NBN: variants seen among roughly 807,000 people sequenced by gnomAD.
NBN encodes Nijmegen breakage syndrome 1 (nibrin).
NBN carries 88 observed loss-of-function variants against 90.8 expected under a neutral mutation model. The observed-to-expected ratio is 0.97, with a 90% CI of 0.82 to 1.16. The LOEUF (loss-of-function observed/expected upper bound fraction) is 1.16, where lower values mean the gene tolerates loss of function less well. NBN is among the 50% of genes most tolerant of loss of function. The pLI, the probability that NBN is intolerant of heterozygous loss-of-function variation, is 0.00. For synonymous variants in NBN, 328 were observed against 295.1 expected, an observed-to-expected ratio of 1.11 and a Z score of -1.14; for missense variants, 894 against 869.6, an observed-to-expected ratio of 1.03 and a Z score of -0.35.
intron 5 of NBN, among the ~76,000 whole-genome samples, chr8:89,972,157 G>T (rs552830981): frequency 1.3e-5 from 2 of 152,188 alleles, no homozygotes; most frequent in African/African-American, 4.8e-5. Flanking sequence ...TAAAAACACT[G>T]CAGTCATTAA....
chr8:89,979,942 C>T (rs767935192), intron 4 of NBN, among the ~76,000 whole-genome samples: 2 of 152,200 alleles, frequency 1.3e-5, no homozygotes, highest in African/African-American at 2.4e-5. Flanking sequence ...CTAGGGCCCA[C>T]ACTTAAATAT....
intron 5 of NBN, among the ~76,000 whole-genome samples, chr8:89,977,195 T>G (rs190550889): frequency 1.2e-4 from 19 of 152,218 alleles, no homozygotes; most frequent in Middle Eastern, 3.4e-3. Context: ...GCATTAGGTA[T>G]TTGTCCTAAT....
chr8:89,983,706 G>C (rs1235440710), intron 1 of NBN, among the ~76,000 whole-genome samples: 3 of 152,144 alleles, frequency 2.0e-5, no homozygotes, highest in East Asian at 3.9e-4. Flanking sequence ...ATATATATTG[G>C]AGACATGCGG....
chr8:89,954,704 T>A (rs1307606106), intron 10 of NBN, among the ~76,000 whole-genome samples: 1 of 151,704 alleles, frequency 6.6e-6, no homozygotes, highest in Non-Finnish European at 1.5e-5. Context: ...GAAGGTAGAG[T>A]ATAAAGAGCA....
At chr8:89,936,094 T>TTTC in intron 15 of NBN, 1 of 391,032 alleles carries the variant, frequency 2.6e-6, no homozygotes, top group Non-Finnish European at 4.9e-6. Context: ...ACACTTTTTT[T>TTTC]TTTTTTTTTT....
chr8:89,962,191 T>C (rs1035640527), intron 8 of NBN, among the ~76,000 whole-genome samples: 1 of 152,178 alleles, frequency 6.6e-6, no homozygotes, highest in African/African-American at 2.4e-5. Context: ...ATGTCTAGGA[T>C]GCATCCCAGA....
intron 10 of NBN, among the ~76,000 whole-genome samples, chr8:89,954,443 G>T (rs181929417): frequency 6.6e-6 from 1 of 151,816 alleles, no homozygotes; most frequent in East Asian, 1.9e-4. Context: ...GAAATGGAGG[G>T]ATTGACAGAC....
rs1286274126 is a variant in NBN at position 89,964,307 on chromosome 8, G to C, written c.994+103C>G. The C allele has an allele frequency of 2.3e-6, 3 of 1,281,748 alleles. No individual in the cohort carries two copies. The South Asian group carries it at 3.7e-5, about 16-fold the overall frequency. 79.4% of individuals were successfully genotyped at this position (1,281,748 alleles called of 1,614,324 possible). On this transcript the variant is annotated intron_variant, in intron 8 of 15. Coordinates refer to ENST00000265433, the MANE Select transcript of NBN (RefSeq NM_002485.5). ...ATAAATGGATGAATTTTAAAACATG[G>C]TGAATATGGTCACCCCTAGCAAGTA... is the stretch of plus-strand genomic sequence containing the variant.
chr8:89,959,005 A>G, intron 8 of NBN, 151 bp from the exon 9 acceptor site: 1 of 1,015,948 alleles, frequency 9.8e-7, no homozygotes, highest in Admixed American at 2.0e-5. Flanking sequence ...ACCAACAAAC[A>G]CAAAACAGTC....
At chr8:89,950,092 A>T (rs1446336968) in intron 11 of NBN, among the ~76,000 whole-genome samples, 1 of 152,216 alleles carries the variant, frequency 6.6e-6, no homozygotes, top group Non-Finnish European at 1.5e-5. Context: ...TGTCTCAAAC[A>T]GTTTTTAAAA....
intron 9 of NBN, among the ~76,000 whole-genome samples, chr8:89,956,036 T>G (rs1023683132): frequency 6.6e-6 from 1 of 151,812 alleles, no homozygotes; most frequent in African/African-American, 2.4e-5. Context: ...AATGAACTGA[T>G]ATCATTATTT....
chr8:89,953,587 C>A lies in NBN; in HGVS notation c.1502G>T (p.Trp501Leu). 6.2e-7 allele frequency: 1 copy of A among 1,613,588 alleles called. No individual in the cohort carries two copies. Among genetic ancestry groups the A allele is most frequent in the Non-Finnish European group, 8.5e-7 (1 of 1,179,736 alleles). ...EQTQPATPSL[W>L]KNKEQHLSEN... The stretch of plus-strand genomic sequence containing the variant: ...AGATAGATGCTGCTCCTTATTTTTC[C>A]ACAATGAGGGTGTAGCAGGTTGTGT... The change falls in exon 11 of 16, where the codon TGG (tryptophan) becomes TTG (leucine). Residue 501 changes from tryptophan to leucine, a missense_variant. Coordinates refer to ENST00000265433, the MANE Select transcript of NBN (RefSeq NM_002485.5).
chr8:89,959,570 C>G (rs13312900), intron 8 of NBN, among the ~76,000 whole-genome samples: 1 of 151,666 alleles, frequency 6.6e-6, no homozygotes, highest in Admixed American at 6.6e-5. Context: ...CTGGGCAACA[C>G]TGGGAGACCC....
intron 11 of NBN, 149 bp from the exon 12 acceptor site, chr8:89,948,041 G>A (rs1391251559): frequency 5.9e-6 from 3 of 505,458 alleles, no homozygotes; most frequent in African/African-American, 1.9e-5. Flanking sequence ...CCAGGCATTT[G>A]GCTTTCAACT....
Position 89,984,605 on chromosome 8 carries a change from C to G in NBN, c.-44G>C. On this transcript the variant is annotated 5_prime_UTR_variant, in exon 1 of 16. Transcript: ENST00000265433. The stretch of plus-strand genomic sequence containing the variant: ...CTGGGGCCGACGTGCAACCGCGTAA[C>G]CGGGGCTGCTAGACGAGCGCGGATA... The G allele has an allele frequency of 6.2e-7, 1 of 1,609,882 alleles. No homozygotes were observed. Among genetic ancestry groups the G allele is most frequent in the South Asian group, 1.1e-5 (1 of 90,592 alleles).
rs149519277 is a variant in NBN, at chr8:89,961,377, C to T, written c.995-2523G>A. ...CAAATTAGTAAGAGCCTACAATCTA[C>T]TCAGTGGCTGAAAGAGGTGTGGAAA... On this transcript the variant is annotated intron_variant, in intron 8 of 15. Coordinates refer to ENST00000265433, the MANE Select transcript of NBN (RefSeq NM_002485.5). 4.5e-3 allele frequency among the ~76,000 whole-genome samples: 693 copies of T among 152,310 alleles called. 6 individuals carry two copies. The highest frequency in any genetic ancestry group is 0.015 in the African/African-American group (637 of 41,566).
At chr8:89,951,311 CAAAAAA>C (rs71268296) in intron 11 of NBN, among the ~76,000 whole-genome samples, 1 of 68,260 alleles carries the variant, frequency 1.5e-5, no homozygotes, top group Non-Finnish European at 2.8e-5. Context: ...GACTCTGTCT[CAAAAAA>C]AAAAAAAAAA....
rs543890002 is a variant in NBN at position 89,984,598 on chromosome 8, C to T, written c.-37G>A. 26 of 1,611,096 alleles carry T rather than the reference C, an allele frequency of 1.6e-5. No homozygotes were observed. In the African/African-American group the frequency reaches 2.0e-4, roughly 12 times the overall value. ...CTCAGGGCTGGGGCCGACGTGCAAC[C>T]GCGTAACCGGGGCTGCTAGACGAGC... On this transcript the variant is annotated 5_prime_UTR_variant, in exon 1 of 16. Coordinates refer to ENST00000265433, the MANE Select transcript of NBN (RefSeq NM_002485.5).
At chr8:89,942,228 C>A (rs1192222679) in intron 14 of NBN, among the ~76,000 whole-genome samples, 1 of 152,128 alleles carries the variant, frequency 6.6e-6, no homozygotes, top group African/African-American at 2.4e-5. Context: ...ATAAAAATCT[C>A]ATTTGAAGTT....
Sources: allele counts gnomAD v4.1 joint callset (sites outside exome capture counted in the v4.1 genomes callset), GRCh38; gene constraint gnomAD v4.1.1; transcripts MANE v1.5; gene names NCBI Gene and HGNC (gene_info 2026-07-23, HGNC 2026-07-21).